The following PLCG2 variants were observed in gnomAD, a reference collection of about 807,000 sequenced individuals.
PLCG2 encodes 1-phosphatidylinositol 4,5-bisphosphate phosphodiesterase gamma-2.
A neutral mutation model predicts 175.6 loss-of-function variants in PLCG2; 69 were observed. The observed-to-expected ratio is 0.39, with a 90% CI of 0.32 to 0.48. PLCG2 has a LOEUF of 0.48. PLCG2 is among the 20% of genes least tolerant of loss of function. PLCG2 has a pLI of 0.91. For synonymous variants in PLCG2, 827 were observed against 624.0 expected, an observed-to-expected ratio of 1.33 and a Z score of -4.85; for missense variants, 1,798 against 1,650.9, an observed-to-expected ratio of 1.09 and a Z score of -1.54.
At chr16:81,904,871 G>C (rs1257128051) in intron 14 of PLCG2, among the ~76,000 whole-genome samples, 1 of 152,088 alleles carries the variant, frequency 6.6e-6, no homozygotes, top group African/African-American at 2.4e-5. Flanking sequence ...ATAGGAAGGG[G>C]AGTGTGGGCT....
At chr16:81,851,416 A>T (rs1039009178) in intron 2 of PLCG2, among the ~76,000 whole-genome samples, 1 of 152,204 alleles carries the variant, frequency 6.6e-6, no homozygotes, top group African/African-American at 2.4e-5. Flanking sequence ...AGTTCTACGA[A>T]ATCTTGTCAC....
intron 3 of PLCG2, among the ~76,000 whole-genome samples, chr16:81,856,603 G>C (rs1220012369): frequency 6.6e-6 from 1 of 152,060 alleles, no homozygotes; most frequent in Non-Finnish European, 1.5e-5. Context: ...TCCAGATTCT[G>C]CATTTTATTA....
chr16:81,785,831 AAAC>A lies in PLCG2; in HGVS notation c.-47-111_-47-109del, dbSNP rs1910944178. 4.5e-6 allele frequency: 3 copies of A among 662,258 alleles called. No individual in the cohort carries two copies. The African/African-American group carries it at 5.4e-5, about 12-fold the overall frequency. 41.0% of individuals were successfully genotyped at this position (662,258 alleles called of 1,614,324 possible). ...GCCTTGCCACTAGAACCTTCTCCTA[AAAC>A]TCATCCTGATTGACATGAGACAGGA... On this transcript the variant is annotated intron_variant, in intron 1 of 32. Coordinates refer to ENST00000564138, the MANE Select transcript of PLCG2 (RefSeq NM_002661.5).
chr16:81,755,572 C>G lies in PLCG2; in HGVS notation c.-144-298C>G, dbSNP rs1909905052. 9.2e-5 allele frequency among the ~76,000 whole-genome samples: 14 copies of G among 151,896 alleles called. No homozygotes were observed. The South Asian group carries it at 2.9e-3, about 32-fold the overall frequency. Reference sequence around the variant, plus strand: ...ACAGAGTTTCACTCTGTCGCCCAAGCTGGAGTGGGGTGGTGTGATCTTGGC... The same window carrying G: ...ACAGAGTTTCACTCTGTCGCCCAAGGTGGAGTGGGGTGGTGTGATCTTGGC... On this transcript the variant is annotated intron_variant, in intron 1 of 5. Transcript: ENST00000565054.
intron 2 of PLCG2, among the ~76,000 whole-genome samples, chr16:81,801,816 G>C (rs1911733299): frequency 6.6e-6 from 1 of 151,932 alleles, no homozygotes; most frequent in Non-Finnish European, 1.5e-5. Context: ...CAGTAGCTGG[G>C]ATTACAGTTG....
At chr16:81,950,642 AAAT>A (rs1291320488) in intron 31 of PLCG2, among the ~76,000 whole-genome samples, 1 of 147,548 alleles carries the variant, frequency 6.8e-6, no homozygotes, top group East Asian at 1.9e-4. Flanking sequence ...CATTTTTTAA[AAAT>A]AATGATTTCC....
At chr16:81,843,466 T>C (rs1905942757) in intron 2 of PLCG2, among the ~76,000 whole-genome samples, 1 of 152,214 alleles carries the variant, frequency 6.6e-6, no homozygotes, top group Non-Finnish European at 1.5e-5. Context: ...AGACAAGCGC[T>C]GATGCATTAC....
At chr16:81,796,252 C>T (rs985058449) in intron 2 of PLCG2, among the ~76,000 whole-genome samples, 1 of 152,252 alleles carries the variant, frequency 6.6e-6, no homozygotes, top group Non-Finnish European at 1.5e-5. Flanking sequence ...CCCTCCCCTC[C>T]CCAGCACAGA....
At position 81,946,247 on chromosome 16, in the gene PLCG2, A is replaced by G. The variant is rs1403278098; in HGVS notation, c.3554A>G (p.Glu1185Gly). 1 of 1,613,488 alleles carries G rather than the reference A, an allele frequency of 6.2e-7. No homozygotes were observed. The highest frequency in any genetic ancestry group is 2.2e-5 in the East Asian group (1 of 44,868). ...CTGGCTTCCCTCCTGGTTTTCTGTG[A>G]GATGCGGCCAGTCCTGGTGAGTGGA... ...IELASLLVFCEMRPVLESEEE... is the reference protein window; with the variant it reads ...IELASLLVFCGMRPVLESEEE... The change falls in exon 31 of 33, where the codon GAG (glutamate) becomes GGG (glycine). Residue 1185 changes from glutamate (E) to glycine (G), a missense_variant. Transcript: ENST00000564138.
At chr16:81,859,915 A>G (rs1434359676) in intron 5 of PLCG2, among the ~76,000 whole-genome samples, 1 of 152,112 alleles carries the variant, frequency 6.6e-6, no homozygotes, top group Non-Finnish European at 1.5e-5. Flanking sequence ...TTTTTCACTT[A>G]AAAGTACCTC....
At chr16:81,820,513 G>A (rs1025370689) in intron 2 of PLCG2, among the ~76,000 whole-genome samples, 2 of 151,420 alleles carry the variant, frequency 1.3e-5, no homozygotes, top group African/African-American at 4.9e-5. Context: ...CTTTTCTGTT[G>A]CTGAGCAGCA....
At chr16:81,828,027 T>C (rs865936212) in intron 2 of PLCG2, among the ~76,000 whole-genome samples, 1 of 147,540 alleles carries the variant, frequency 6.8e-6, no homozygotes, top group African/African-American at 2.5e-5. Context: ...GAGGCGGAGC[T>C]TGCACTGAGC....
chr16:81,812,450 C>A (rs149054957), intron 2 of PLCG2, among the ~76,000 whole-genome samples: 1,558 of 152,246 alleles, frequency 0.01, 9 homozygotes, highest in Middle Eastern at 0.017. Context: ...TGATGATGAG[C>A]TTTTTTCCTA....
intron 7 of PLCG2, among the ~76,000 whole-genome samples, chr16:81,871,313 T>TTA (rs1434795000): frequency 6.6e-6 from 1 of 152,156 alleles, no homozygotes; most frequent in African/African-American, 2.4e-5. Context: ...GATTGAGGAA[T>TTA]TATATATATG....
In PLCG2 at chr16:81,918,844, T is replaced by A. The variant is rs78827236; in HGVS notation, c.2055-640T>A. Among the ~76,000 whole-genome samples the A allele has an allele frequency of 8.2e-3, 1,252 of 152,286 alleles. 11 individuals are homozygous for A. The highest frequency in any genetic ancestry group is 0.029 in the African/African-American group (1,195 of 41,550). Reference sequence around the variant, plus strand: ...ATAAAACCAAGGAGGCTCTTCTGTTTTGGATTTTTTCTGCTTCATGTTTCA... The same window carrying A: ...ATAAAACCAAGGAGGCTCTTCTGTTATGGATTTTTTCTGCTTCATGTTTCA... On this transcript the variant is annotated intron_variant, in intron 19 of 32. Transcript: ENST00000564138.
intron 2 of PLCG2, among the ~76,000 whole-genome samples, chr16:81,853,652 C>T (rs980339476): frequency 3.3e-5 from 5 of 152,188 alleles, no homozygotes; most frequent in Non-Finnish European, 4.4e-5. Context: ...GATAATAGTG[C>T]TTACTTGCCG....
At chr16:81,886,816 T>C (rs148512334) in intron 9 of PLCG2, among the ~76,000 whole-genome samples, 135 of 152,328 alleles carry the variant, frequency 8.9e-4, no homozygotes, top group African/African-American at 3.2e-3. Flanking sequence ...GGGCCGAGTA[T>C]AGAGTCAGTG....
At chr16:81,879,988 C>G (rs1309428295) in intron 7 of PLCG2, among the ~76,000 whole-genome samples, 2 of 152,270 alleles carry the variant, frequency 1.3e-5, no homozygotes, top group Admixed American at 6.5e-5. Context: ...GCCTGTAATC[C>G]CAGCTACTGA....
intron 1 of PLCG2, among the ~76,000 whole-genome samples, chr16:81,750,547 G>A (rs1163714628): frequency 1.3e-5 from 2 of 151,606 alleles, no homozygotes; most frequent in African/African-American, 4.8e-5. Flanking sequence ...ATTCATAATA[G>A]CTGAGTTATG....
Sources: allele counts gnomAD v4.1 joint callset (sites outside exome capture counted in the v4.1 genomes callset), GRCh38; gene constraint gnomAD v4.1.1; transcripts MANE v1.5; gene names NCBI Gene and HGNC (gene_info 2026-07-23, HGNC 2026-07-21).